Variants in KIF2C observed in about 807,000 individuals in gnomAD.
KIF2C encodes the protein kinesin family member 2C, also known as kinesin-like protein KIF2C.
Under a neutral mutation model 97.4 loss-of-function variants are expected in KIF2C, and 34 were observed. The ratio of observed to expected loss-of-function variants is 0.35; its 90% CI spans 0.27 to 0.46. The LOEUF (loss-of-function observed/expected upper bound fraction) is 0.46, where lower values mean the gene tolerates loss of function less well. KIF2C is among the 20% of genes least tolerant of loss of function. The pLI, the probability that KIF2C is intolerant of heterozygous loss-of-function variation, is 1.00. For missense variants in KIF2C, 750 were observed against 907.6 expected (o/e 0.83, Z 2.23); for synonymous variants, 313 against 318.2 (o/e 0.98, Z 0.17).
rs965950867 is a variant in KIF2C, at chr1:44,739,858, C to G, written c.-75C>G. 7.5e-7 allele frequency: 1 copy of G among 1,338,192 alleles called. No individual in the cohort carries two copies. The highest frequency in any genetic ancestry group is 1.1e-6 in the Non-Finnish European group (1 of 929,314). 82.9% of individuals were successfully genotyped at this position (1,338,192 alleles called of 1,614,324 possible). On this transcript the variant is annotated 5_prime_UTR_variant, in exon 1 of 21. Coordinates refer to ENST00000372224, the MANE Select transcript of KIF2C (RefSeq NM_006845.4). Reference sequence around the variant, plus strand: ...ATTTAAACTGCGGCGGTTTACGCGGCGTTAAGACTTCGTAGGGTTAGCGAA... The same window carrying G: ...ATTTAAACTGCGGCGGTTTACGCGGGGTTAAGACTTCGTAGGGTTAGCGAA...
chr1:44,746,456 C>G (rs1228275862), intron 2 of KIF2C: 5 of 1,199,456 alleles, frequency 4.2e-6, no homozygotes, highest in Middle Eastern at 3.3e-4. Context: ...TGTAGGTAGT[C>G]TTAGGGTTAG....
In KIF2C at chr1:44,747,489, G is replaced by A. The variant is rs780349073; in HGVS notation, c.267+4G>A. 1.9e-6 allele frequency: 3 copies of A among 1,603,380 alleles called. No homozygotes were observed. The highest frequency in any genetic ancestry group is 1.1e-5 in the South Asian group (1 of 88,440). ...GCAGGAAAATGTAACAATCCAGGTA[G>A]GTGCCTGTCATCTGGCTGCAGCCAG... On this transcript the variant is annotated splice_donor_region_variant and intron_variant, in intron 3 of 20. Coordinates refer to ENST00000372224, the MANE Select transcript of KIF2C (RefSeq NM_006845.4).
intron 4 of KIF2C, 95 bp downstream of exon 4, chr1:44,747,795 G>A: frequency 1.8e-6 from 2 of 1,096,572 alleles, no homozygotes; most frequent in Admixed American, 4.4e-5. Context: ...TTTGCAGGTG[G>A]TTTCTATGTG....
chr1:44,760,795 G>C lies in KIF2C; in HGVS notation c.1683+93G>C, dbSNP rs11584544. 1 of 1,028,986 alleles carries C rather than the reference G, an allele frequency of 9.7e-7. No homozygotes were observed. The highest frequency in any genetic ancestry group is 1.6e-5 in the African/African-American group (1 of 63,498). 63.7% of individuals were successfully genotyped at this position (1,028,986 alleles called of 1,614,324 possible). On this transcript the variant is annotated intron_variant, in intron 16 of 20. Coordinates refer to ENST00000372224, the MANE Select transcript of KIF2C (RefSeq NM_006845.4). The surrounding 1 kb of genome is among the most constrained non-coding windows in gnomAD (Gnocchi z 4.2). The stretch of plus-strand genomic sequence containing the variant: ...GTCCTGTCCCTGGGCTGGAAGCTCA[G>C]CACTGCTGGCTGCCTGGGTTTCCAG...
chr1:44,762,560 G>C lies in KIF2C; in HGVS notation c.1873G>C (p.Glu625Gln). 1 of 1,613,826 alleles carries C rather than the reference G, an allele frequency of 6.2e-7. No homozygotes were observed. Among genetic ancestry groups the C allele is most frequent in the African/African-American group, 1.3e-5 (1 of 75,054 alleles). The stretch of plus-strand genomic sequence containing the variant: ...GCCCTCTCAGTTATCCAAGGAAGAG[G>C]AGGAACTGTCTTCCCAGATGTCCAG... ...LIPGNLSKEEEELSSQMSSFN... is the reference protein window; with the variant it reads ...LIPGNLSKEEQELSSQMSSFN... Residue 625 changes from glutamate to glutamine, a missense_variant, in exon 19 of 21, where the codon GAG becomes CAG. Transcript: ENST00000372224.
intron 1 of KIF2C, among the ~76,000 whole-genome samples, chr1:44,740,642 A>C (rs899012832): frequency 1.6e-4 from 25 of 152,032 alleles, no homozygotes; most frequent in Non-Finnish European, 2.4e-4. Flanking sequence ...TGTAGGCTCT[A>C]TCTCTCTTTT....
chr1:44,754,630 G>C (rs1649716205), intron 7 of KIF2C, 120 bp from the exon 8 acceptor site: 1 of 763,146 alleles, frequency 1.3e-6, no homozygotes, highest in African/African-American at 1.7e-5. Flanking sequence ...CCAGAGCCAG[G>C]GCAGGGACTT....
At chr1:44,759,902 C>T (rs7550170) in intron 14 of KIF2C, among the ~76,000 whole-genome samples, 3 of 151,838 alleles carry the variant, frequency 2.0e-5, no homozygotes, top group African/African-American at 4.8e-5. Context: ...TGGGGCGCTA[C>T]GCAGCTATAG....
intron 20 of KIF2C, 64 bp downstream of exon 20, chr1:44,767,013 C>G: frequency 6.2e-7 from 1 of 1,610,746 alleles, no homozygotes; most frequent in South Asian, 1.1e-5. Context: ...TGGGCAGCTG[C>G]AGGTGATGGC....
At chr1:44,761,415 G>A (rs1650134574) in intron 16 of KIF2C, among the ~76,000 whole-genome samples, 1 of 152,044 alleles carries the variant, frequency 6.6e-6, no homozygotes, top group Admixed American at 6.6e-5. Flanking sequence ...AGACCATCCT[G>A]GCTAACATGG....
intron 4 of KIF2C, among the ~76,000 whole-genome samples, chr1:44,748,919 G>A (rs1191807872): frequency 6.6e-6 from 1 of 151,178 alleles, no homozygotes; most frequent in Non-Finnish European, 1.5e-5. Context: ...GCTTCAAGCA[G>A]TCCTCCTGCC....
At position 44,754,826 on chromosome 1, in the gene KIF2C, C is replaced by T; in HGVS notation, c.740C>T (p.Pro247Leu). The T allele has an allele frequency of 1.2e-6, 2 of 1,608,856 alleles. No homozygotes were observed. Among genetic ancestry groups the T allele is most frequent in the South Asian group, 1.1e-5 (1 of 90,964 alleles). ...TTTCGGGCTACTTTGGAATGTCATCCACTTACTATGACTGATCCTGTAAGT... is the reference window on the plus strand; with the variant it reads ...TTTCGGGCTACTTTGGAATGTCATCTACTTACTATGACTGATCCTGTAAGT... The part of the protein sequence containing the change: ...KEFRATLECH[P>L]LTMTDPIEEH... Residue 247 changes from proline to leucine, a missense_variant, in exon 8 of 21, where the codon CCA (proline) becomes CTA (leucine). Transcript: ENST00000372224.
chr1:44,750,582 C>A lies in KIF2C; in HGVS notation c.439+18C>A. ...AGTTCCTCGTGAGTAACGAATGTGC[C>A]CCCAACCACCATGTTTGAGGCCCTG... On this transcript the variant is annotated intron_variant, in intron 5 of 20. Coordinates refer to ENST00000372224, the MANE Select transcript of KIF2C (RefSeq NM_006845.4). The A allele has an allele frequency of 6.6e-7, 1 of 1,508,700 alleles. No homozygotes were observed. Among genetic ancestry groups the A allele is most frequent in the African/African-American group, 1.4e-5 (1 of 71,978 alleles). 93.5% of individuals were successfully genotyped at this position (1,508,700 alleles called of 1,614,324 possible).
intron 7 of KIF2C, 48 bp downstream of exon 7, chr1:44,753,881 T>A: frequency 8.9e-7 from 1 of 1,125,402 alleles, no homozygotes; most frequent in Non-Finnish European, 1.3e-6. Context: ...CAGGTGTCCT[T>A]AACCGAAACT....
intron 4 of KIF2C, among the ~76,000 whole-genome samples, chr1:44,748,228 G>C (rs983725595): frequency 6.6e-6 from 1 of 152,288 alleles, no homozygotes; most frequent in African/African-American, 2.4e-5. Context: ...GTGACTCTAG[G>C]GGGTAAGCTT....
chr1:44,747,256 C>A, intron 2 of KIF2C, 128 bp from the exon 3 acceptor site: 3 of 734,072 alleles, frequency 4.1e-6, no homozygotes, highest in Admixed American at 3.0e-5. Flanking sequence ...TGCATTGAAC[C>A]AAGATCGCAC....
At chr1:44,757,207 G>A (rs1452308055) in intron 10 of KIF2C, among the ~76,000 whole-genome samples, 1 of 152,152 alleles carries the variant, frequency 6.6e-6, no homozygotes, top group African/African-American at 2.4e-5. Context: ...GTGAGCCACT[G>A]TGCCCAGCCA....
At chr1:44,754,031 T>C (rs1649683891) in intron 7 of KIF2C, among the ~76,000 whole-genome samples, 198 bp downstream of exon 7, 2 of 136,390 alleles carry the variant, frequency 1.5e-5, no homozygotes, top group Admixed American at 8.2e-5. Context: ...CTCGGCTCAC[T>C]GCAACCTCCA....
chr1:44,745,962 C>T (rs1048909727), intron 2 of KIF2C, among the ~76,000 whole-genome samples: 7 of 152,120 alleles, frequency 4.6e-5, no homozygotes, highest in Non-Finnish European at 7.4e-5. Flanking sequence ...CTGCAAGCTC[C>T]GCCTCCTGGG....
Sources: allele counts gnomAD v4.1 joint callset (sites outside exome capture counted in the v4.1 genomes callset), GRCh38; gene constraint gnomAD v4.1.1; non-coding constraint Gnocchi (gnomAD v3.1); transcripts MANE v1.5; gene names NCBI Gene and HGNC (gene_info 2026-07-23, HGNC 2026-07-21).